Variants in ADAMTS6 observed in about 807,000 individuals in gnomAD.
The protein encoded by ADAMTS6 is ADAM metallopeptidase with thrombospondin type 1 motif 6.
ADAMTS6 carries 23 observed loss-of-function variants against 144.3 expected under a neutral mutation model. The observed-to-expected ratio is 0.16, with a 90% CI of 0.11 to 0.23. The LOEUF is 0.23. Among genes scored for constraint, ADAMTS6 ranks in the 10% least tolerant of loss-of-function variants. The pLI is 1.00. For synonymous variants in ADAMTS6, 444 were observed against 457.5 expected (o/e 0.97, Z 0.38); for missense variants, 999 against 1,379.6 (o/e 0.72, Z 4.37).
intron 20 of ADAMTS6, among the ~76,000 whole-genome samples, chr5:65,212,407 A>G (rs1251436999): frequency 6.8e-6 from 1 of 147,232 alleles, no homozygotes; most frequent in Non-Finnish European, 1.5e-5. Context: ...TCTCCCTTCC[A>G]GAGGCTTTTC....
At chr5:65,321,445 T>C (rs1207814086) in intron 9 of ADAMTS6, among the ~76,000 whole-genome samples, 1 of 152,162 alleles carries the variant, frequency 6.6e-6, no homozygotes, top group Non-Finnish European at 1.5e-5. Flanking sequence ...ATTAGACCTT[T>C]GTTAGATGCA....
chr5:65,247,704 A>T (rs1759754847), intron 14 of ADAMTS6, among the ~76,000 whole-genome samples: 1 of 152,068 alleles, frequency 6.6e-6, no homozygotes, highest in Non-Finnish European at 1.5e-5. Flanking sequence ...GAAGATATGC[A>T]GGCTGGAAGG....
At chr5:65,237,463 A>C (rs1390031070) in intron 15 of ADAMTS6, among the ~76,000 whole-genome samples, 1 of 151,470 alleles carries the variant, frequency 6.6e-6, no homozygotes, top group Admixed American at 6.6e-5. Flanking sequence ...TTTTCTCTTA[A>C]GGGAGTTAAA....
intron 7 of ADAMTS6, among the ~76,000 whole-genome samples, chr5:65,356,025 A>G (rs1464962434): frequency 6.6e-6 from 1 of 151,834 alleles, no homozygotes; most frequent in Non-Finnish European, 1.5e-5. Flanking sequence ...ACACTAGAGT[A>G]ATGCTAAGAA....
intron 11 of ADAMTS6, among the ~76,000 whole-genome samples, chr5:65,277,522 G>C (rs1394282591): frequency 2.0e-5 from 3 of 151,482 alleles, no homozygotes; most frequent in African/African-American, 7.3e-5. Context: ...CTTCCAAAGT[G>C]TTGGGATTAC....
chr5:65,266,753 T>C (rs1309111650), intron 12 of ADAMTS6, among the ~76,000 whole-genome samples: 1 of 151,968 alleles, frequency 6.6e-6, no homozygotes, highest in African/African-American at 2.4e-5. Flanking sequence ...ACGGAACAAC[T>C]TGTTTGATTT....
intron 24 of ADAMTS6, among the ~76,000 whole-genome samples, chr5:65,165,946 A>G (rs1334508992): frequency 2.4e-4 from 36 of 150,200 alleles, no homozygotes; most frequent in African/African-American, 8.6e-4. Context: ...TGTAAAGACC[A>G]TCGAGACTAG....
At chr5:65,363,137 T>C (rs541017002) in intron 7 of ADAMTS6, among the ~76,000 whole-genome samples, 1 of 152,280 alleles carries the variant, frequency 6.6e-6, no homozygotes, top group African/African-American at 2.4e-5. Flanking sequence ...TGTACTATAG[T>C]TCTCTGAGTA....
chr5:65,442,659 T>C (rs1757953874), intron 7 of ADAMTS6, among the ~76,000 whole-genome samples: 1 of 151,874 alleles, frequency 6.6e-6, no homozygotes, highest in Non-Finnish European at 1.5e-5. Flanking sequence ...TTTTGGAAAA[T>C]GACATCTAAC....
At chr5:65,307,521 C>T (rs1744047449) in intron 9 of ADAMTS6, among the ~76,000 whole-genome samples, 2 of 152,262 alleles carry the variant, frequency 1.3e-5, no homozygotes, top group South Asian at 4.1e-4. Flanking sequence ...CCATGAATTC[C>T]ATTTTCACTA....
intron 7 of ADAMTS6, among the ~76,000 whole-genome samples, chr5:65,378,468 C>G (rs1419070617): frequency 6.6e-6 from 1 of 152,092 alleles, no homozygotes; most frequent in Non-Finnish European, 1.5e-5. Context: ...CAGGCTCTCC[C>G]CATCAAAGGA....
intron 7 of ADAMTS6, among the ~76,000 whole-genome samples, chr5:65,441,141 T>A (rs952433531): frequency 3.9e-5 from 6 of 152,186 alleles, no homozygotes; most frequent in African/African-American, 1.2e-4. Context: ...ATCTGAAAGA[T>A]TTTTTAAAAG....
rs766298918 is a variant in ADAMTS6 at position 65,224,439 on chromosome 5, T to C, written c.2192-39A>G. The C allele has an allele frequency of 3.4e-5, 52 of 1,539,356 alleles. No individual in the cohort carries two copies. The South Asian group carries it at 5.5e-4, about 16-fold the overall frequency. On this transcript the variant is annotated intron_variant, in intron 17 of 24. Transcript: ENST00000381055. ...GATAGCCAGTATTAAGCAGCCTTGGTCAGGAAATGAGTATTTGGTAACCAT... is the reference window on the plus strand; with the variant it reads ...GATAGCCAGTATTAAGCAGCCTTGGCCAGGAAATGAGTATTTGGTAACCAT...
chr5:65,371,934 C>A (rs532944121), intron 7 of ADAMTS6, among the ~76,000 whole-genome samples: 1 of 152,232 alleles, frequency 6.6e-6, no homozygotes, highest in East Asian at 1.9e-4. Flanking sequence ...TCGGCAGAAA[C>A]TCTACAAGCC....
At chr5:65,173,897 T>C (rs1753777657) in intron 22 of ADAMTS6, among the ~76,000 whole-genome samples, 1 of 151,814 alleles carries the variant, frequency 6.6e-6, no homozygotes, top group Non-Finnish European at 1.5e-5. Flanking sequence ...GTGGTGTGTG[T>C]CTGTAGCCCC....
chr5:65,479,854 T>C (rs1214248178), intron 1 of ADAMTS6, among the ~76,000 whole-genome samples: 1 of 152,184 alleles, frequency 6.6e-6, no homozygotes, highest in Non-Finnish European at 1.5e-5. Flanking sequence ...CACAAAAATA[T>C]TAAGACCACT....
At chr5:65,468,633 G>A (rs16893852) in intron 3 of ADAMTS6, among the ~76,000 whole-genome samples, 10,456 of 152,150 alleles carry the variant, frequency 0.069, 425 homozygotes, top group African/African-American at 0.094. Flanking sequence ...GGACCATACA[G>A]TGTCAATAAG....
intron 7 of ADAMTS6, among the ~76,000 whole-genome samples, chr5:65,395,758 G>C (rs73762294): frequency 0.028 from 4,290 of 152,002 alleles, 197 homozygotes; most frequent in African/African-American, 0.097. Context: ...TAAATCCCTG[G>C]TCCCATTTGC....
chr5:65,476,948 A>C (rs1032676765), intron 1 of ADAMTS6, among the ~76,000 whole-genome samples: 43 of 152,298 alleles, frequency 2.8e-4, no homozygotes, highest in African/African-American at 1.0e-3. Context: ...AGTTAATGTG[A>C]ATAGTTTTTA....
Sources: allele counts gnomAD v4.1 joint callset (sites outside exome capture counted in the v4.1 genomes callset), GRCh38; gene constraint gnomAD v4.1.1; transcripts MANE v1.5; gene names NCBI Gene and HGNC (gene_info 2026-07-23, HGNC 2026-07-21).